CLMP: variants seen among roughly 807,000 people sequenced by gnomAD.
CLMP encodes CXADR like cell adhesion molecule.
In CLMP, 27 loss-of-function variants were observed where a neutral mutation model predicts 45.2. The ratio of observed to expected loss-of-function variants is 0.60; its 90% CI spans 0.44 to 0.82. The LOEUF (loss-of-function observed/expected upper bound fraction) is 0.82. CLMP is among the 40% of genes least tolerant of loss of function. The probability of loss-of-function intolerance (pLI) is 0.00; values close to 1 mark genes in which losing one functional copy is unlikely to be tolerated. For missense variants in CLMP, 403 were observed against 448.4 expected (o/e 0.90, Z 0.91); for synonymous variants, 167 against 171.4 (o/e 0.97, Z 0.20).
Position 123,084,725 on chromosome 11 carries a change from A to T in CLMP, c.187-12T>A. 6.2e-7 allele frequency: 1 copy of T among 1,612,378 alleles called. No homozygotes were observed. The highest frequency in any genetic ancestry group is 8.5e-7 in the Non-Finnish European group (1 of 1,178,602). Reference sequence around the variant, plus strand: ...GAGTAAGTGATCACCTGTGGGATAGACCGAGGCAGAGTCAAGCAGCGTAAC... The same window carrying T: ...GAGTAAGTGATCACCTGTGGGATAGTCCGAGGCAGAGTCAAGCAGCGTAAC... On this transcript the variant is annotated splice_polypyrimidine_tract_variant and intron_variant, in intron 2 of 6. Coordinates refer to ENST00000448775, the MANE Select transcript of CLMP (RefSeq NM_024769.5).
Position 123,073,664 on chromosome 11 carries a change from G to A in CLMP, c.932C>T (p.Ala311Val), listed in dbSNP as rs377154440. The change falls in exon 7 of 7, where the codon GCC becomes GTC. Residue 311 changes from alanine (A) to valine (V), a missense_variant. By Grantham distance (64) the Ala-to-Val change is moderately conservative. Transcript: ENST00000448775. ...SSSTRSTANS[A>V]SRSQRTLSTD... is the part of the protein sequence containing the mutation. ...TGACAGTGTCCGCTGGCTGCGTGAGGCACTATTTGCTGTGGAGCGAGTGGA... is the reference window on the plus strand; with the variant it reads ...TGACAGTGTCCGCTGGCTGCGTGAGACACTATTTGCTGTGGAGCGAGTGGA... 20 of 1,614,106 alleles carry A rather than the reference G, an allele frequency of 1.2e-5. No individual in the cohort carries two copies. Among genetic ancestry groups the A allele is most frequent in the Non-Finnish European group, 1.7e-5 (20 of 1,180,052 alleles).
At chr11:123,171,976 A>G (rs982222636) in intron 1 of CLMP, among the ~76,000 whole-genome samples, 1 of 152,114 alleles carries the variant, frequency 6.6e-6, no homozygotes, top group Admixed American at 6.5e-5. Context: ...GCATTTATAC[A>G]TATTCACTGT....
In CLMP at chr11:123,073,203, C is replaced by T; in HGVS notation, c.*271G>A. The T allele has an allele frequency of 2.9e-6, 1 of 342,582 alleles. No individual in the cohort carries two copies. 21.2% of individuals were successfully genotyped at this position (342,582 alleles called of 1,614,324 possible). On this transcript the variant is annotated 3_prime_UTR_variant, in exon 7 of 7. Coordinates refer to ENST00000448775, the MANE Select transcript of CLMP (RefSeq NM_024769.5). ...TTCCCCAACCTTCTCACCACAGGTC[C>T]TGGTCAACAAATAGATTTGGACTCC...
intron 1 of CLMP, among the ~76,000 whole-genome samples, chr11:123,104,598 C>G (rs1274479830): frequency 6.6e-6 from 1 of 151,932 alleles, no homozygotes; most frequent in Non-Finnish European, 1.5e-5. Flanking sequence ...GTTGGCCAGG[C>G]TCGTCTCGAA....
rs1016288970 is a variant in CLMP at position 123,119,897 on chromosome 11, G to A, written c.29-21945C>T. Among the ~76,000 whole-genome samples the A allele has an allele frequency of 5.9e-5, 9 of 152,256 alleles. 1 individual carries two copies. Among genetic ancestry groups the A allele is most frequent in the Admixed American group, 5.9e-4 (9 of 15,276 alleles). On this transcript the variant is annotated intron_variant, in intron 1 of 6. Transcript: ENST00000448775. ...AGACAAGGTTTCACCATGTTGGCTA[G>A]GCTGGTCTCGAACTCCTGACCTCAG...
In CLMP at chr11:123,188,964, A is replaced by T. The variant is rs1160403417; in HGVS notation, c.28+5949T>A. On this transcript the variant is annotated intron_variant, in intron 1 of 6. Transcript: ENST00000448775. ...GAGTCATACCCAATCCATAAACCTC[A>T]TCATCCACAGTCTCAGGATAGTGTC... 3 of 152,218 alleles carry T rather than the reference A, an allele frequency of 2.0e-5. No individual in the cohort carries two copies. The East Asian group carries it at 5.8e-4, about 29-fold the overall frequency. The allele number at this position is 152,218 out of a possible 1,614,324, so 9.4% of individuals were successfully genotyped here. A position where few individuals can be genotyped will look rare whatever the true frequency, so the allele number is the denominator to read the frequency against.
At chr11:123,192,167 T>TTCAGGTTCCCTAC (rs1352626895) in intron 1 of CLMP, among the ~76,000 whole-genome samples, 5 of 152,152 alleles carry the variant, frequency 3.3e-5, no homozygotes, top group Non-Finnish European at 7.4e-5. Flanking sequence ...CATGAAGTAA[T>TTCAGGTTCCCTAC]TCAGGTTCCC....
chr11:123,101,783 C>T (rs927189162), intron 1 of CLMP, among the ~76,000 whole-genome samples: 1 of 152,218 alleles, frequency 6.6e-6, no homozygotes, highest in African/African-American at 2.4e-5. Context: ...AAAACTCAAC[C>T]GCTTTTGCAA....
chr11:123,122,593 A>C lies in CLMP; in HGVS notation c.29-24641T>G, dbSNP rs1360813539. 2.0e-5 allele frequency among the ~76,000 whole-genome samples: 3 copies of C among 152,158 alleles called. No homozygotes were observed. The East Asian group carries it at 5.8e-4, about 29-fold the overall frequency. On this transcript the variant is annotated intron_variant, in intron 1 of 6. Transcript: ENST00000448775. The stretch of plus-strand genomic sequence containing the variant: ...ACACCCTCTGCTCAGCATGATAGAA[A>C]AGGAGAAAAAGCTTTTATTTCCCAA...
At chr11:123,108,782 G>A (rs535482303) in intron 1 of CLMP, among the ~76,000 whole-genome samples, 9 of 152,244 alleles carry the variant, frequency 5.9e-5, no homozygotes, top group South Asian at 2.1e-4. Context: ...GGCTGGGCGC[G>A]GTGGCTCATG....
At chr11:123,139,862 A>T (rs551773116) in intron 1 of CLMP, among the ~76,000 whole-genome samples, 3 of 152,134 alleles carry the variant, frequency 2.0e-5, no homozygotes, top group South Asian at 4.1e-4. Flanking sequence ...AAATAAAATA[A>T]AAAATATAAA....
At chr11:123,074,173 C>CTTTTTTT (rs113482011) in intron 6 of CLMP, among the ~76,000 whole-genome samples, 21 of 130,660 alleles carry the variant, frequency 1.6e-4, no homozygotes, top group East Asian at 9.2e-4. Flanking sequence ...TATGTACATA[C>CTTTTTTT]TTTTTTTTTT....
At chr11:123,129,881 C>G (rs1860959894) in intron 1 of CLMP, among the ~76,000 whole-genome samples, 1 of 150,540 alleles carries the variant, frequency 6.6e-6, no homozygotes, top group East Asian at 1.9e-4. Context: ...TGTTTCACAT[C>G]TAATCCACCT....
chr11:123,107,037 T>G (rs1264398773), intron 1 of CLMP, among the ~76,000 whole-genome samples: 1 of 147,700 alleles, frequency 6.8e-6, no homozygotes. Context: ...AAAAAAATAA[T>G]AATAATAATA....
chr11:123,129,646 A>G (rs1377024898), intron 1 of CLMP, among the ~76,000 whole-genome samples: 2 of 142,160 alleles, frequency 1.4e-5, no homozygotes, highest in Middle Eastern at 3.6e-3. Context: ...TATATGATAT[A>G]TAGTTCAGTA....
intron 1 of CLMP, among the ~76,000 whole-genome samples, chr11:123,165,089 G>A (rs950508061): frequency 6.6e-6 from 1 of 152,166 alleles, no homozygotes; most frequent in Non-Finnish European, 1.5e-5. Context: ...GATAAAAATA[G>A]ACACCTCTTC....
chr11:123,093,513 A>AT (rs1444026344), intron 2 of CLMP, among the ~76,000 whole-genome samples: 1 of 145,360 alleles, frequency 6.9e-6, no homozygotes, highest in African/African-American at 2.6e-5. Context: ...TGCCTGGCTA[A>AT]TTTTTTGTGT....
At chr11:123,136,061 T>G (rs1462179398) in intron 1 of CLMP, 5 of 599,098 alleles carry the variant, frequency 8.3e-6, no homozygotes, top group African/African-American at 1.9e-5. Flanking sequence ...TCTGCCTTTT[T>G]GCTTTGTTTG....
At chr11:123,095,391 C>T (rs1181757445) in intron 2 of CLMP, among the ~76,000 whole-genome samples, 6 of 151,902 alleles carry the variant, frequency 3.9e-5, no homozygotes, top group Non-Finnish European at 7.4e-5. Flanking sequence ...GCCTTGGCCT[C>T]CTGAGTAGCT....
Sources: allele counts gnomAD v4.1 joint callset (sites outside exome capture counted in the v4.1 genomes callset), GRCh38; gene constraint gnomAD v4.1.1; transcripts MANE v1.5; gene names NCBI Gene and HGNC (gene_info 2026-07-23, HGNC 2026-07-21).